PRKG1: variants seen among roughly 807,000 people sequenced by gnomAD.
PRKG1 encodes the protein protein kinase cGMP-dependent 1.
PRKG1 carries 35 observed loss-of-function variants against 88.1 expected under a neutral mutation model. The ratio of observed to expected loss-of-function variants is 0.40; its 90% CI spans 0.30 to 0.53. The LOEUF (loss-of-function observed/expected upper bound fraction) is 0.53, where lower values mean the gene tolerates loss of function less well. PRKG1 is among the 20% of genes least tolerant of loss of function. The pLI, the probability that PRKG1 is intolerant of heterozygous loss-of-function variation, is 0.59. For synonymous variants in PRKG1, 303 were observed against 292.5 expected, an observed-to-expected ratio of 1.04 and a Z score of -0.37; for missense variants, 540 against 839.8, an observed-to-expected ratio of 0.64 and a Z score of 4.41.
chr10:51,908,927 TCA>T (rs1398283200), intron 5 of PRKG1: 2 of 152,144 alleles, frequency 1.3e-5, no homozygotes, highest in Admixed American at 1.3e-4. Context: ...AGACGGGGTT[TCA>T]CTATGTTGGT....
chr10:51,551,203 C>T (rs1815982553), intron 3 of PRKG1, among the ~76,000 whole-genome samples: 1 of 151,806 alleles, frequency 6.6e-6, no homozygotes, highest in African/African-American at 2.4e-5. Flanking sequence ...ACATATCATG[C>T]TCCAAAGACT....
intron 2 of PRKG1, among the ~76,000 whole-genome samples, chr10:51,273,690 A>C (rs1368069133): frequency 6.6e-6 from 1 of 152,192 alleles, no homozygotes; most frequent in Non-Finnish European, 1.5e-5. Context: ...AACTTCTAAA[A>C]TTTGCAGAGT....
At chr10:51,165,082 A>G (rs986413976) in intron 2 of PRKG1, among the ~76,000 whole-genome samples, 9 of 152,194 alleles carry the variant, frequency 5.9e-5, no homozygotes, top group African/African-American at 2.2e-4. Context: ...GAGCAACTCC[A>G]AGACACATAA....
At chr10:51,843,742 A>G (rs1416055203) in intron 4 of PRKG1, among the ~76,000 whole-genome samples, 41 of 152,170 alleles carry the variant, frequency 2.7e-4, no homozygotes, top group South Asian at 2.1e-4. Flanking sequence ...ATTTTTATGT[A>G]TACTGAATTA....
chr10:51,356,189 A>C (rs1012378783), intron 2 of PRKG1, among the ~76,000 whole-genome samples: 1 of 152,030 alleles, frequency 6.6e-6, no homozygotes, highest in African/African-American at 2.4e-5. Context: ...CTAGTAAGAG[A>C]ATGTAGGTGA....
chr10:51,132,198 C>G (rs919460839), intron 1 of PRKG1, among the ~76,000 whole-genome samples: 1 of 152,094 alleles, frequency 6.6e-6, no homozygotes, highest in African/African-American at 2.4e-5. Flanking sequence ...CATCACTTAT[C>G]CTGATTTACA....
At chr10:51,601,721 A>ATTTTTTTTTTTTTTTTTTTTTTTTTT (rs749205610) in intron 3 of PRKG1, among the ~76,000 whole-genome samples, 2 of 43,574 alleles carry the variant, frequency 4.6e-5, no homozygotes, top group African/African-American at 7.5e-5. Flanking sequence ...GGCAGATTGA[A>ATTTTTTTTTTTTTTTTTTTTTTTTTT]TTTTTTTTTT....
At chr10:52,206,224 T>C (rs1040202608) in intron 9 of PRKG1, among the ~76,000 whole-genome samples, 7 of 152,234 alleles carry the variant, frequency 4.6e-5, no homozygotes, top group African/African-American at 1.7e-4. Flanking sequence ...TATCGCATTA[T>C]GAAATTCCTG....
intron 5 of PRKG1, among the ~76,000 whole-genome samples, chr10:51,923,187 G>GT (rs1053656253): frequency 6.6e-6 from 1 of 151,682 alleles, no homozygotes; most frequent in African/African-American, 2.4e-5. Flanking sequence ...TGTGAAGTTT[G>GT]TTTTTTTGGA....
chr10:51,896,927 C>A (rs769957266), intron 4 of PRKG1, among the ~76,000 whole-genome samples: 1 of 152,020 alleles, frequency 6.6e-6, no homozygotes, highest in Non-Finnish European at 1.5e-5. Context: ...CCTAATCTGG[C>A]AAGATAATAG....
At chr10:51,682,855 G>A (rs1840885587) in intron 3 of PRKG1, among the ~76,000 whole-genome samples, 1 of 152,150 alleles carries the variant, frequency 6.6e-6, no homozygotes. Flanking sequence ...TTCAACCAAT[G>A]TCTTCAGAGC....
intron 7 of PRKG1, among the ~76,000 whole-genome samples, chr10:52,101,441 CAT>C (rs1241920613): frequency 6.6e-6 from 1 of 152,160 alleles, no homozygotes; most frequent in African/African-American, 2.4e-5. Flanking sequence ...TTTCCCTACT[CAT>C]ATATTGCCTA....
intron 1 of PRKG1, among the ~76,000 whole-genome samples, chr10:51,040,121 T>C (rs868534463): frequency 6.6e-6 from 1 of 151,924 alleles, no homozygotes; most frequent in African/African-American, 2.4e-5. Context: ...AGAATGTCAT[T>C]GGTATTTTGA....
At chr10:51,262,999 G>C (rs1356885884) in intron 2 of PRKG1, among the ~76,000 whole-genome samples, 1 of 152,148 alleles carries the variant, frequency 6.6e-6, no homozygotes, top group Non-Finnish European at 1.5e-5. Context: ...ATCTAGTGCT[G>C]TTATCAAGGA....
intron 3 of PRKG1, among the ~76,000 whole-genome samples, chr10:51,560,941 G>T (rs1297029417): frequency 6.6e-6 from 1 of 151,762 alleles, no homozygotes; most frequent in Non-Finnish European, 1.5e-5. Context: ...AAGAAACATT[G>T]TGTGCTTAGA....
intron 4 of PRKG1, among the ~76,000 whole-genome samples, chr10:51,892,502 T>A (rs1379387210): frequency 6.6e-6 from 1 of 152,172 alleles, no homozygotes; most frequent in Non-Finnish European, 1.5e-5. Context: ...CATAGGAGTG[T>A]CCTGGGCAAC....
intron 9 of PRKG1, among the ~76,000 whole-genome samples, chr10:52,225,897 A>T (rs11001263): frequency 1.3e-5 from 2 of 151,942 alleles, no homozygotes; most frequent in African/African-American, 4.8e-5. Context: ...TGGCCTTATA[A>T]TGTAGTTTGA....
chr10:51,086,936 A>AT (rs1387527101), intron 1 of PRKG1, among the ~76,000 whole-genome samples: 1 of 152,170 alleles, frequency 6.6e-6, no homozygotes, highest in Non-Finnish European at 1.5e-5. Flanking sequence ...TCAAGTATAC[A>AT]TTTATTTTTC....
chr10:51,195,441 T>C (rs915599609), intron 2 of PRKG1, among the ~76,000 whole-genome samples: 2 of 152,210 alleles, frequency 1.3e-5, no homozygotes, highest in East Asian at 3.8e-4. Flanking sequence ...TCCATTCCTA[T>C]AGTAACAAGT....
Sources: gnomAD v4.1 joint callset for allele counts (sites outside exome capture counted in the v4.1 genomes callset) on GRCh38, gnomAD v4.1.1 for gene constraint, MANE v1.5 for transcripts, NCBI Gene and HGNC (gene_info 2026-07-23, HGNC 2026-07-21) for gene names.